The following TTC28 variants were observed in gnomAD, a reference collection of about 807,000 sequenced individuals.
TTC28 encodes tetratricopeptide repeat domain 28.
A neutral mutation model predicts 198.0 loss-of-function variants in TTC28; 61 were observed. The ratio of observed to expected loss-of-function variants is 0.31; its 90% CI spans 0.25 to 0.38. The LOEUF (loss-of-function observed/expected upper bound fraction) is 0.38, where lower values mean the gene tolerates loss of function less well. Among genes scored for constraint, TTC28 ranks in the 10% least tolerant of loss-of-function variants. The pLI, the probability that TTC28 is intolerant of heterozygous loss-of-function variation, is 1.00. For missense variants in TTC28, 2,678 were observed against 3,164.0 expected (o/e 0.85, Z 3.69); for synonymous variants, 1,171 against 1,297.8 (o/e 0.90, Z 2.10).
intron 2 of TTC28, among the ~76,000 whole-genome samples, chr22:28,516,616 G>T (rs941979051): frequency 4.6e-5 from 7 of 151,818 alleles, no homozygotes; most frequent in African/African-American, 1.7e-4. Flanking sequence ...GTCAGGGGGT[G>T]GGGGGCTTGG....
At chr22:28,164,822 G>A (rs1358828837) in intron 5 of TTC28, among the ~76,000 whole-genome samples, 1 of 152,174 alleles carries the variant, frequency 6.6e-6, no homozygotes, top group African/African-American at 2.4e-5. Flanking sequence ...AGAGAAGAAG[G>A]CTTAAAATGA....
At chr22:28,520,356 T>A (rs1189880634) in intron 2 of TTC28, among the ~76,000 whole-genome samples, 2 of 152,220 alleles carry the variant, frequency 1.3e-5, no homozygotes, top group African/African-American at 4.8e-5. Context: ...CTGTCCCCTC[T>A]TACAGTGAAT....
intron 5 of TTC28, among the ~76,000 whole-genome samples, chr22:28,204,317 G>C (rs1352270242): frequency 6.6e-6 from 1 of 152,178 alleles, no homozygotes; most frequent in Non-Finnish European, 1.5e-5. Flanking sequence ...CTGACACAGA[G>C]AGTAGGGCAA....
At chr22:28,638,737 A>C (rs1018846448) in intron 1 of TTC28, among the ~76,000 whole-genome samples, 1 of 152,264 alleles carries the variant, frequency 6.6e-6, no homozygotes, top group Non-Finnish European at 1.5e-5. Context: ...TAAAACTTAA[A>C]GACAATATTT....
chr22:28,055,254 T>G (rs1940239947), intron 12 of TTC28, among the ~76,000 whole-genome samples: 1 of 152,184 alleles, frequency 6.6e-6, no homozygotes, highest in Non-Finnish European at 1.5e-5. Context: ...AAGAAAATAC[T>G]GGGTAACAAC....
At chr22:28,224,112 C>T (rs1928101741) in intron 5 of TTC28, among the ~76,000 whole-genome samples, 2 of 152,094 alleles carry the variant, frequency 1.3e-5, no homozygotes, top group Admixed American at 6.5e-5. Flanking sequence ...TCAGTGATGC[C>T]GCTAATCATC....
At chr22:28,324,428 C>A (rs1374179698) in intron 2 of TTC28, among the ~76,000 whole-genome samples, 7 of 146,494 alleles carry the variant, frequency 4.8e-5, no homozygotes, top group Non-Finnish European at 4.5e-5. Context: ...GGGAGAGACA[C>A]AAAAAAAAAA....
At chr22:28,500,627 C>A (rs1033995707) in intron 2 of TTC28, among the ~76,000 whole-genome samples, 1 of 152,126 alleles carries the variant, frequency 6.6e-6, no homozygotes. Flanking sequence ...TACAATCTTG[C>A]TAGGACATAG....
At chr22:28,619,158 T>C (rs1055948593) in intron 2 of TTC28, among the ~76,000 whole-genome samples, 2 of 152,188 alleles carry the variant, frequency 1.3e-5, no homozygotes, top group Admixed American at 6.6e-5. Context: ...AAAAAGCATG[T>C]ATATATAAAT....
At chr22:28,508,139 A>C (rs1179183870) in intron 2 of TTC28, among the ~76,000 whole-genome samples, 1 of 152,162 alleles carries the variant, frequency 6.6e-6, no homozygotes, top group African/African-American at 2.4e-5. Context: ...AACACCCATC[A>C]GTATGCTGTC....
At chr22:28,169,074 G>A (rs1444284748) in intron 5 of TTC28, among the ~76,000 whole-genome samples, 2 of 152,198 alleles carry the variant, frequency 1.3e-5, no homozygotes, top group Admixed American at 6.5e-5. Flanking sequence ...ATGAAAAAAT[G>A]CTCATCATTA....
chr22:28,047,888 T>C (rs1476593338), intron 12 of TTC28, among the ~76,000 whole-genome samples: 2 of 152,302 alleles, frequency 1.3e-5, no homozygotes, highest in Admixed American at 6.5e-5. Flanking sequence ...GGAAATCATA[T>C]TGCTGGTAGG....
intron 2 of TTC28, among the ~76,000 whole-genome samples, chr22:28,408,047 G>A (rs1470578910): frequency 6.6e-6 from 1 of 152,076 alleles, no homozygotes; most frequent in African/African-American, 2.4e-5. Flanking sequence ...TATGGGACTA[G>A]TAACTGTGCA....
chr22:28,401,384 C>T (rs971007764), intron 2 of TTC28, among the ~76,000 whole-genome samples: 1 of 151,906 alleles, frequency 6.6e-6, no homozygotes, highest in Non-Finnish European at 1.5e-5. Flanking sequence ...GGGAGACCGA[C>T]GTGGGCGGAT....
At chr22:28,516,013 G>A (rs940044257) in intron 2 of TTC28, among the ~76,000 whole-genome samples, 3 of 151,906 alleles carry the variant, frequency 2.0e-5, no homozygotes, top group South Asian at 2.1e-4. Context: ...GGGCGTGGTC[G>A]TGTGCACCTG....
chr22:28,307,164 G>T (rs924462274), intron 2 of TTC28, among the ~76,000 whole-genome samples: 4 of 151,992 alleles, frequency 2.6e-5, no homozygotes, highest in Middle Eastern at 3.4e-3. Flanking sequence ...TTAATATGTT[G>T]TTTCACACAT....
intron 2 of TTC28, among the ~76,000 whole-genome samples, chr22:28,457,640 A>C (rs1162579290): frequency 6.6e-6 from 1 of 152,246 alleles, no homozygotes; most frequent in African/African-American, 2.4e-5. Context: ...TATGAAATTT[A>C]AAGTCTCACA....
At chr22:28,119,158 C>T (rs1382849777) in intron 6 of TTC28, among the ~76,000 whole-genome samples, 6 of 152,150 alleles carry the variant, frequency 3.9e-5, no homozygotes, top group East Asian at 3.9e-4. Flanking sequence ...TCCCTATTCC[C>T]GGCTCTACTA....
intron 6 of TTC28, among the ~76,000 whole-genome samples, chr22:28,116,323 G>A (rs1242082910): frequency 6.6e-6 from 1 of 152,200 alleles, no homozygotes; most frequent in African/African-American, 2.4e-5. Context: ...TGTAAATCCT[G>A]AGGCAGTGGG....
Sources: allele counts gnomAD v4.1 joint callset (sites outside exome capture counted in the v4.1 genomes callset), GRCh38; gene constraint gnomAD v4.1.1; transcripts MANE v1.5; gene names NCBI Gene and HGNC (gene_info 2026-07-23, HGNC 2026-07-21).